The following KLHL6 variants were observed in gnomAD, a reference collection of about 807,000 sequenced individuals.
KLHL6 encodes kelch-like protein 6.
Under a neutral mutation model 58.6 loss-of-function variants are expected in KLHL6, and 41 were observed. That is an observed-to-expected ratio of 0.70 (90% CI 0.55 to 0.91). The LOEUF (loss-of-function observed/expected upper bound fraction) is 0.91. Ranked by LOEUF, KLHL6 falls within the 40% of genes least tolerant of loss-of-function variation. The pLI, the probability that KLHL6 is intolerant of heterozygous loss-of-function variation, is 0.00. For missense variants in KLHL6, 714 were observed against 805.6 expected (o/e 0.89, Z 1.38); for synonymous variants, 338 against 322.7 (o/e 1.05, Z -0.51).
At chr3:183,542,268 A>C (rs1712576049) in intron 1 of KLHL6, among the ~76,000 whole-genome samples, 1 of 152,008 alleles carries the variant, frequency 6.6e-6, no homozygotes, top group South Asian at 2.1e-4. Flanking sequence ...TCTCTTTCCT[A>C]CTTAAAGACT....
At chr3:183,524,502 C>G (rs1344303793) in intron 2 of KLHL6, among the ~76,000 whole-genome samples, 2 of 152,172 alleles carry the variant, frequency 1.3e-5, no homozygotes, top group African/African-American at 4.8e-5. Flanking sequence ...AAAGTTTCCT[C>G]CTAAAAGAAA....
intron 2 of KLHL6, among the ~76,000 whole-genome samples, chr3:183,514,886 T>C (rs1037998774): frequency 6.6e-6 from 1 of 152,070 alleles, no homozygotes; most frequent in Non-Finnish European, 1.5e-5. Context: ...GCCATTCTGG[T>C]CTCGAACTCC....
chr3:183,549,829 C>A (rs554989295), intron 1 of KLHL6, among the ~76,000 whole-genome samples: 1 of 152,128 alleles, frequency 6.6e-6, no homozygotes, highest in East Asian at 1.9e-4. Flanking sequence ...AATCCTAGCA[C>A]TTTGGGAGGC....
At chr3:183,527,097 TA>T (rs572178014) in intron 2 of KLHL6, among the ~76,000 whole-genome samples, 46 of 135,538 alleles carry the variant, frequency 3.4e-4, no homozygotes, top group Admixed American at 1.4e-3. Flanking sequence ...AGACTCTCTC[TA>T]AAAAAAAAAA....
intron 2 of KLHL6, among the ~76,000 whole-genome samples, chr3:183,510,585 A>G (rs1197214285): frequency 2.0e-5 from 3 of 152,040 alleles, no homozygotes; most frequent in African/African-American, 7.2e-5. Flanking sequence ...TTTAAAAAGC[A>G]TTTTTTAGGC....
At chr3:183,534,923 C>CAT (rs1269226675) in intron 1 of KLHL6, among the ~76,000 whole-genome samples, 8 of 129,800 alleles carry the variant, frequency 6.2e-5, no homozygotes, top group Non-Finnish European at 1.3e-4. Context: ...TATATGTATG[C>CAT]ATATATATAC....
chr3:183,549,683 T>C (rs780871860), intron 1 of KLHL6, among the ~76,000 whole-genome samples: 1 of 152,214 alleles, frequency 6.6e-6, no homozygotes, highest in Non-Finnish European at 1.5e-5. Flanking sequence ...TAATTTTTTG[T>C]ATTTTTAGTA....
chr3:183,498,934 C>T (rs777090785), intron 4 of KLHL6, among the ~76,000 whole-genome samples: 68 of 152,222 alleles, frequency 4.5e-4, no homozygotes, highest in African/African-American at 1.5e-3. Flanking sequence ...ATTCCCACTG[C>T]GTAGCTCAGG....
rs948788917 is a variant in KLHL6, at chr3:183,492,800, C to A, written c.1351-93G>T. ...GGATACAGGACAGAGCTCCGGGACA[C>A]AGAACTGGGCATCTTTTGCCTATAG... On this transcript the variant is annotated intron_variant, in intron 5 of 6. Coordinates refer to ENST00000341319, the MANE Select transcript of KLHL6 (RefSeq NM_130446.4). The surrounding 1 kb of genome is among the most constrained non-coding windows in gnomAD (Gnocchi z 5.9). The A allele has an allele frequency of 1.2e-4, 132 of 1,133,648 alleles. No individual in the cohort carries two copies. The Admixed American group carries it at 2.6e-3, about 22-fold the overall frequency. The allele number at this position is 1,133,648 out of a possible 1,614,324, so 70.2% of individuals were successfully genotyped here.
rs941850560 is a variant in KLHL6 at position 183,499,064 on chromosome 3, G to A, written c.1147+526C>T. On this transcript the variant is annotated intron_variant, in intron 4 of 6. Transcript: ENST00000341319. The surrounding 1 kb of genome is among the most constrained non-coding windows in gnomAD (Gnocchi z 4.6). ...TTCTATTAATAGTACAACGCTGGCC[G>A]GACGAGGTGGCTCACGCCTGTAATC... Among the ~76,000 whole-genome samples the A allele has an allele frequency of 3.3e-5, 5 of 152,166 alleles. No individual in the cohort carries two copies. The highest frequency in any genetic ancestry group is 6.5e-5 in the Admixed American group (1 of 15,272).
intron 3 of KLHL6, among the ~76,000 whole-genome samples, chr3:183,505,996 CA>C (rs760599971): frequency 6.6e-6 from 1 of 151,986 alleles, no homozygotes; most frequent in African/African-American, 2.4e-5. Flanking sequence ...CTAAGGACAA[CA>C]AAAAAACTAG....
chr3:183,552,640 C>T (rs1231649947), intron 1 of KLHL6, among the ~76,000 whole-genome samples: 2 of 149,970 alleles, frequency 1.3e-5, no homozygotes. Flanking sequence ...ATGGCCTGAA[C>T]CCTGGAGGCG....
rs141740337 is a variant in KLHL6, at chr3:183,499,188, A to G, written c.1147+402T>C. 0.019 allele frequency among the ~76,000 whole-genome samples: 2,817 copies of G among 152,174 alleles called. 84 individuals carry two copies. The highest frequency in any genetic ancestry group is 0.065 in the African/African-American group (2,678 of 41,500). ...GAAACCCCGTCTCTACTAAAAGTAC[A>G]AAAATTAGCTGGGCATGGTGGCAGG... is the stretch of plus-strand genomic sequence containing the variant. On this transcript the variant is annotated intron_variant, in intron 4 of 6. Coordinates refer to ENST00000341319, the MANE Select transcript of KLHL6 (RefSeq NM_130446.4). The surrounding 1 kb of genome is among the most constrained non-coding windows in gnomAD (Gnocchi z 4.6).
Position 183,495,110 on chromosome 3 carries a change from A to G in KLHL6, c.1148-829T>C, listed in dbSNP as rs147113272. Among the ~76,000 whole-genome samples, 432 of 152,344 alleles carry G rather than the reference A, an allele frequency of 2.8e-3. 4 individuals are homozygous for G. The highest frequency in any genetic ancestry group is 0.01 in the African/African-American group (417 of 41,566). ...TTACTTTTCAGACTTACATGTGTGCAATAGTGGAGAAATGAACATTACTGA... is the reference window on the plus strand; with the variant it reads ...TTACTTTTCAGACTTACATGTGTGCGATAGTGGAGAAATGAACATTACTGA... On this transcript the variant is annotated intron_variant, in intron 4 of 6. Coordinates refer to ENST00000341319, the MANE Select transcript of KLHL6 (RefSeq NM_130446.4).
At chr3:183,514,957 A>G (rs896301068) in intron 2 of KLHL6, among the ~76,000 whole-genome samples, 48 of 152,190 alleles carry the variant, frequency 3.2e-4, no homozygotes, top group African/African-American at 1.1e-3. Context: ...GGCATGAGCC[A>G]CCATGCCCGG....
chr3:183,532,155 T>C (rs1411756021), intron 1 of KLHL6, among the ~76,000 whole-genome samples: 1 of 152,176 alleles, frequency 6.6e-6, no homozygotes, highest in Non-Finnish European at 1.5e-5. Flanking sequence ...AATGAGATCA[T>C]AAGGGTGGAT....
chr3:183,533,823 T>TCCTAA (rs1048151407), intron 1 of KLHL6, among the ~76,000 whole-genome samples: 31 of 151,988 alleles, frequency 2.0e-4, no homozygotes, highest in African/African-American at 7.2e-4. Flanking sequence ...ATGGTAACCC[T>TCCTAA]CCTAACCTTT....
chr3:183,526,573 A>G (rs1711979510), intron 2 of KLHL6, among the ~76,000 whole-genome samples: 1 of 152,214 alleles, frequency 6.6e-6, no homozygotes, highest in South Asian at 2.1e-4. Context: ...AAACTTGCTA[A>G]TTTCTGCCTA....
chr3:183,526,450 G>A (rs377374415), intron 2 of KLHL6, among the ~76,000 whole-genome samples: 4 of 152,288 alleles, frequency 2.6e-5, no homozygotes, highest in South Asian at 4.1e-4. Flanking sequence ...AAGTAACCCA[G>A]AGTCAACAGA....
Sources: gnomAD v4.1 joint callset for allele counts (sites outside exome capture counted in the v4.1 genomes callset) on GRCh38, gnomAD v4.1.1 for gene constraint, Gnocchi (gnomAD v3.1) non-coding constraint, MANE v1.5 for transcripts, NCBI Gene and HGNC (gene_info 2026-07-23, HGNC 2026-07-21) for gene names.